Variants in ZMYM4 observed in about 807,000 individuals in gnomAD.
ZMYM4 encodes zinc finger MYM-type protein 4.
Under a neutral mutation model 183.2 loss-of-function variants are expected in ZMYM4, and 31 were observed. The ratio of observed to expected loss-of-function variants is 0.17; its 90% confidence interval spans 0.13 to 0.23. The LOEUF (loss-of-function observed/expected upper bound fraction) is 0.23, where lower values mean the gene tolerates loss of function less well. Ranked by LOEUF, ZMYM4 falls within the 10% of genes least tolerant of loss-of-function variation. The probability of loss-of-function intolerance (pLI) is 1.00; values close to 1 mark genes in which losing one functional copy is unlikely to be tolerated. For missense variants in ZMYM4, 1,273 were observed against 1,840.3 expected (o/e 0.69, Z 5.64); for synonymous variants, 592 against 631.2 (o/e 0.94, Z 0.93).
At chr1:35,272,793 C>T (rs1161775712) in intron 1 of ZMYM4, among the ~76,000 whole-genome samples, 1 of 152,172 alleles carries the variant, frequency 6.6e-6, no homozygotes, top group African/African-American at 2.4e-5. Context: ...ACTGCAAGCT[C>T]CGCCTCCCGG....
intron 23 of ZMYM4, 186 bp from the exon 24 acceptor site, chr1:35,404,837 C>T (rs1644973145): frequency 6.1e-6 from 3 of 492,334 alleles, no homozygotes; most frequent in South Asian, 4.8e-5. Flanking sequence ...TTCTTTCTTC[C>T]TTCCTCATAT....
chr1:35,351,573 C>T, intron 2 of ZMYM4: 1 of 875,336 alleles, frequency 1.1e-6, no homozygotes, highest in East Asian at 2.4e-5. Flanking sequence ...AAGGCAAACT[C>T]CCTCAGAGCT....
chr1:35,403,726 A>AT (rs1644953238), intron 23 of ZMYM4, among the ~76,000 whole-genome samples: 1 of 137,006 alleles, frequency 7.3e-6, no homozygotes, highest in Non-Finnish European at 1.5e-5. Flanking sequence ...TAACTATGAT[A>AT]GAATTTGTAT....
At chr1:35,396,727 CTGTA>C in intron 19 of ZMYM4, 57 bp downstream of exon 19, 1 of 1,546,820 alleles carries the variant, frequency 6.5e-7, no homozygotes, top group East Asian at 2.3e-5. Flanking sequence ...TCAATTAAAA[CTGTA>C]TAGTTCTGTG....
intron 1 of ZMYM4, among the ~76,000 whole-genome samples, chr1:35,287,976 C>T (rs1640588670): frequency 6.6e-6 from 1 of 152,116 alleles, no homozygotes; most frequent in South Asian, 2.1e-4. Context: ...GATCATAGCC[C>T]TCTGCAGCCC....
chr1:35,311,761 A>T (rs1557974931), intron 1 of ZMYM4, among the ~76,000 whole-genome samples: 1 of 152,266 alleles, frequency 6.6e-6, no homozygotes, highest in Non-Finnish European at 1.5e-5. Flanking sequence ...AGTGAAAAAT[A>T]AAGCAATAGT....
At chr1:35,378,260 TC>T (rs1644377457) in intron 7 of ZMYM4, among the ~76,000 whole-genome samples, 1 of 152,200 alleles carries the variant, frequency 6.6e-6, no homozygotes, top group African/African-American at 2.4e-5. Context: ...ACTTCCAAGC[TC>T]CTATTAATGA....
At chr1:35,295,442 G>C (rs562245175) in intron 1 of ZMYM4, among the ~76,000 whole-genome samples, 49 of 152,302 alleles carry the variant, frequency 3.2e-4, no homozygotes, top group African/African-American at 1.2e-3. Context: ...CAGTAGATGA[G>C]ATCAGGGGAA....
chr1:35,320,302 C>T (rs996333948), intron 1 of ZMYM4, among the ~76,000 whole-genome samples: 1 of 152,144 alleles, frequency 6.6e-6, no homozygotes. Context: ...CATAATGAAG[C>T]CTCCATAAAA....
At chr1:35,408,891 A>G (rs1305761725) in intron 26 of ZMYM4, among the ~76,000 whole-genome samples, 3 of 152,188 alleles carry the variant, frequency 2.0e-5, no homozygotes, top group African/African-American at 4.8e-5. Flanking sequence ...CTGTAGCTTT[A>G]TGACTCCAAA....
rs775211352 is a variant in ZMYM4, at chr1:35,282,980, G to GTTTTTTTTTTTTTTTTTTTTT, written c.39+13911_39+13931dup. ...ATACTTGTTGTTTTCTGTGTGTGTGGTTTTTTTTTTTTTTTTTTTTTTTTT... is the reference window on the plus strand; with the variant it reads ...ATACTTGTTGTTTTCTGTGTGTGTGGTTTTTTTTTTTTTTTTTTTTTTTTTTTTTTTTTTTTTTTTTTTTTT... On this transcript the variant is annotated intron_variant, in intron 1 of 29. Coordinates refer to ENST00000314607, the MANE Select transcript of ZMYM4 (RefSeq NM_005095.3). Among the ~76,000 whole-genome samples, 5 of 26,224 alleles carry GTTTTTTTTTTTTTTTTTTTTT rather than the reference G, an allele frequency of 1.9e-4. 2 individuals carry two copies. The highest frequency in any genetic ancestry group is 4.6e-4 in the Non-Finnish European group (4 of 8,636). The allele number at this position is 26,224 out of a possible 152,430, so 17.2% of individuals were successfully genotyped here.
At chr1:35,365,942 CTA>C (rs1283122773) in intron 5 of ZMYM4, 1 of 152,084 alleles carries the variant, frequency 6.6e-6, no homozygotes, top group East Asian at 1.9e-4. Flanking sequence ...TACTATTTTA[CTA>C]TATTACATAA....
chr1:35,391,734 C>A (rs1218735493), intron 15 of ZMYM4, among the ~76,000 whole-genome samples: 1 of 152,126 alleles, frequency 6.6e-6, no homozygotes, highest in East Asian at 1.9e-4. Context: ...AGAAAACTTT[C>A]AAGTTTTACT....
chr1:35,390,358 A>T (rs1644677440), intron 15 of ZMYM4, among the ~76,000 whole-genome samples: 1 of 152,066 alleles, frequency 6.6e-6, no homozygotes, highest in East Asian at 1.9e-4. Flanking sequence ...TGAGTCTGAA[A>T]AGAGTCAGTG....
At chr1:35,418,322 G>A in intron 28 of ZMYM4, 121 bp from the exon 29 acceptor site, 2 of 1,031,398 alleles carry the variant, frequency 1.9e-6, no homozygotes, top group South Asian at 1.6e-5. Flanking sequence ...GAATGAGTGT[G>A]AGTGAGTGAA....
At chr1:35,323,507 C>A (rs1570352898) in intron 1 of ZMYM4, among the ~76,000 whole-genome samples, 1 of 152,102 alleles carries the variant, frequency 6.6e-6, no homozygotes, top group East Asian at 1.9e-4. Context: ...CTTTGGCTTA[C>A]AGAGTGACAT....
intron 2 of ZMYM4, among the ~76,000 whole-genome samples, chr1:35,336,698 C>A (rs1642989502): frequency 6.6e-6 from 1 of 152,168 alleles, no homozygotes; most frequent in African/African-American, 2.4e-5. Context: ...AGCCACCACA[C>A]CCAGCCAATT....
Position 35,295,475 on chromosome 1 carries a change from G to A in ZMYM4, c.39+26390G>A, listed in dbSNP as rs544794344. ...GAATAACAGGTTATAGATAATGTAGGGCCTTTTAAGGTCAGATAATTTGTT... is the reference window on the plus strand; with the variant it reads ...GAATAACAGGTTATAGATAATGTAGAGCCTTTTAAGGTCAGATAATTTGTT... On this transcript the variant is annotated intron_variant, in intron 1 of 29. Transcript: ENST00000314607. Among the ~76,000 whole-genome samples the A allele has an allele frequency of 2.6e-5, 4 of 152,228 alleles. No homozygotes were observed. In the South Asian group the frequency reaches 8.3e-4, roughly 32 times the overall value.
At chr1:35,365,729 G>A (rs1375921742) in intron 5 of ZMYM4, among the ~76,000 whole-genome samples, 3 of 151,998 alleles carry the variant, frequency 2.0e-5, no homozygotes, top group African/African-American at 7.2e-5. Flanking sequence ...TTGTGTTTTG[G>A]CATGTGTTTT....
Sources: allele counts gnomAD v4.1 joint callset (sites outside exome capture counted in the v4.1 genomes callset), GRCh38; gene constraint gnomAD v4.1.1; transcripts MANE v1.5; gene names NCBI Gene and HGNC (gene_info 2026-07-23, HGNC 2026-07-21).